Variants in MYBL1 observed in about 807,000 individuals in gnomAD.
The protein encoded by MYBL1 is myb-related protein A.
A neutral mutation model predicts 96.3 loss-of-function variants in MYBL1; 17 were observed. The observed-to-expected ratio is 0.18, with a 90% CI of 0.12 to 0.26. The LOEUF (loss-of-function observed/expected upper bound fraction) is 0.26. MYBL1 is among the 10% of genes least tolerant of loss of function. The pLI is 1.00. For synonymous variants in MYBL1, 282 were observed against 292.7 expected, an observed-to-expected ratio of 0.96 and a Z score of 0.37; for missense variants, 701 against 882.9, an observed-to-expected ratio of 0.79 and a Z score of 2.61.
At position 66,576,069 on chromosome 8, in the gene MYBL1, C is replaced by T. The variant is rs757999984; in HGVS notation, c.1408G>A (p.Asp470Asn). The change falls in exon 10 of 16, where the codon GAT (aspartate) becomes AAT (asparagine). Residue 470 changes from aspartate to asparagine, a missense_variant. Physicochemically the swap from Asp to Asn is conservative, Grantham distance 23. Transcript: ENST00000522677. ...GSELRDGSLN[D>N]GGNMALKHTP... ...TGTTTTAGCGCCATATTACCACCAT[C>T]GTTCAATGAGCCATCCCTAAGTTCG... 5.0e-6 allele frequency: 8 copies of T among 1,613,938 alleles called. No homozygotes were observed. The highest frequency in any genetic ancestry group is 4.4e-5 in the South Asian group (4 of 91,074).
chr8:66,590,048 T>C (rs977637249), intron 8 of MYBL1, among the ~76,000 whole-genome samples: 5 of 152,230 alleles, frequency 3.3e-5, no homozygotes, highest in Admixed American at 2.6e-4. Context: ...CACTCCAGCC[T>C]AGGCAACAGA....
rs1563534839 is a variant in MYBL1 at position 66,580,207 on chromosome 8, C to CTTTGT, written c.1026_1027insACAAA (p.Val343ThrfsTer22). On this transcript the variant is annotated frameshift_variant, in exon 9 of 16. Coordinates refer to ENST00000522677, the MANE Select transcript of MYBL1 (RefSeq NM_001080416.4). LOFTEE classifies it high-confidence loss of function. Reference sequence around the variant, plus strand: ...GAGGATAACACAGCGTTTGCCTCCACGGCCAGGAACTTTGTGGGTGAATTC... The same window carrying CTTTGT: ...GAGGATAACACAGCGTTTGCCTCCACTTTGTGGCCAGGAACTTTGTGGGTGAATTC... 4.3e-6 allele frequency: 7 copies of CTTTGT among 1,613,832 alleles called. No homozygotes were observed. Among genetic ancestry groups the CTTTGT allele is most frequent in the Non-Finnish European group, 5.9e-6 (7 of 1,179,870 alleles).
At chr8:66,586,780 G>C (rs954997387) in intron 8 of MYBL1, among the ~76,000 whole-genome samples, 1 of 152,088 alleles carries the variant, frequency 6.6e-6, no homozygotes, top group Non-Finnish European at 1.5e-5. Flanking sequence ...GATGAATAAA[G>C]CAAGAAAATG....
At position 66,576,120 on chromosome 8, in the gene MYBL1, T is replaced by C. The variant is rs1314370518; in HGVS notation, c.1357A>G (p.Met453Val). The C allele has an allele frequency of 3.1e-6, 5 of 1,613,968 alleles. No homozygotes were observed. Among genetic ancestry groups the C allele is most frequent in the Non-Finnish European group, 4.2e-6 (5 of 1,179,874 alleles). The change falls in exon 10 of 16, where the codon ATG becomes GTG. Residue 453 changes from methionine (M) to valine (V), a missense_variant. Physicochemically the swap from Met to Val is conservative, Grantham distance 21. Around this residue, in one of 5 missense-constraint regions of MYBL1, gnomAD observed 396 missense variants for 407.4 expected, o/e 0.97. Transcript: ENST00000522677. Reference sequence around the variant, plus strand: ...CTGCCTGGGGAATGACCCACTCGCATTTTTCTCTTCTTTCTGAGGATGGCT... The same window carrying C: ...CTGCCTGGGGAATGACCCACTCGCACTTTTCTCTTCTTTCTGAGGATGGCT... ...PPAILRKKRK[M>V]RVGHSPGSEL...
At chr8:66,606,066 C>T (rs1019450924) in intron 1 of MYBL1, among the ~76,000 whole-genome samples, 2 of 152,112 alleles carry the variant, frequency 1.3e-5, no homozygotes, top group Admixed American at 6.5e-5. Context: ...TATACTACGA[C>T]ATACTGGAAA....
intron 12 of MYBL1, among the ~76,000 whole-genome samples, chr8:66,568,453 A>G (rs1010269484): frequency 1.3e-5 from 2 of 151,624 alleles, no homozygotes; most frequent in African/African-American, 2.4e-5. Context: ...AACCTGCCAC[A>G]ACGCCTGGCT....
chr8:66,595,923 T>A (rs546367137), intron 5 of MYBL1, among the ~76,000 whole-genome samples, 166 bp from the exon 6 acceptor site: 66 of 152,292 alleles, frequency 4.3e-4, no homozygotes, highest in Non-Finnish European at 5.9e-4. Context: ...AGGTATTTTT[T>A]AAAAATTCAA....
chr8:66,570,513 C>A (rs190008792), intron 12 of MYBL1, among the ~76,000 whole-genome samples: 2 of 152,182 alleles, frequency 1.3e-5, no homozygotes, highest in African/African-American at 4.8e-5. Flanking sequence ...TGACTCACTG[C>A]AGAATTTTTA....
intron 8 of MYBL1, among the ~76,000 whole-genome samples, chr8:66,584,266 T>C (rs972772265): frequency 6.6e-6 from 1 of 152,142 alleles, no homozygotes; most frequent in African/African-American, 2.4e-5. Context: ...GCCAACATCA[T>C]ACTGAACAAG....
chr8:66,568,107 T>C (rs1586549274), intron 12 of MYBL1, among the ~76,000 whole-genome samples: 1 of 151,000 alleles, frequency 6.6e-6, no homozygotes, highest in Non-Finnish European at 1.5e-5. Context: ...GCAGCTTATG[T>C]CCCCAGCCAG....
intron 1 of MYBL1, among the ~76,000 whole-genome samples, chr8:66,607,871 G>A (rs1810384209): frequency 6.6e-6 from 1 of 152,054 alleles, no homozygotes; most frequent in African/African-American, 2.4e-5. Context: ...ACCCCAAATA[G>A]CCCTCAGGCA....
At chr8:66,579,656 T>TA (rs543286673) in intron 9 of MYBL1, among the ~76,000 whole-genome samples, 15,088 of 139,318 alleles carry the variant, frequency 0.11, 1,706 homozygotes, top group African/African-American at 0.29. Context: ...GATGCCATCT[T>TA]AAAAAAAAAA....
At chr8:66,589,568 C>A (rs148546644) in intron 8 of MYBL1, among the ~76,000 whole-genome samples, 1 of 152,194 alleles carries the variant, frequency 6.6e-6, no homozygotes, top group Non-Finnish European at 1.5e-5. Flanking sequence ...GCAGCCTCGA[C>A]CTCCCAGGCT....
At chr8:66,575,842 G>A (rs753587856) in intron 10 of MYBL1, among the ~76,000 whole-genome samples, 165 bp downstream of exon 10, 3 of 152,090 alleles carry the variant, frequency 2.0e-5, no homozygotes, top group Non-Finnish European at 4.4e-5. Flanking sequence ...ACTACATTTT[G>A]TGAGATACTT....
In MYBL1 at chr8:66,602,442, G is replaced by A; in HGVS notation, c.102C>T (p.Asn34=). ...PQQKGLKKLW[N]RVKWTRDEDD... ...CCTCGTCCCTTGTCCATTTTACTCTGTTCCAGAGTTTCTTCAGTCCTTTTT... is the reference window on the plus strand; with the variant it reads ...CCTCGTCCCTTGTCCATTTTACTCTATTCCAGAGTTTCTTCAGTCCTTTTT... The change falls in exon 2 of 16, where the codon AAC becomes AAT. Residue 34 remains asparagine, a synonymous_variant. Transcript: ENST00000522677. The A allele has an allele frequency of 6.2e-7, 1 of 1,602,810 alleles. No homozygotes were observed. The highest frequency in any genetic ancestry group is 8.5e-7 in the Non-Finnish European group (1 of 1,173,476).
chr8:66,609,863 G>T (rs1563556446), intron 1 of MYBL1, among the ~76,000 whole-genome samples: 1 of 151,896 alleles, frequency 6.6e-6, no homozygotes, highest in Non-Finnish European at 1.5e-5. Flanking sequence ...AAACAATATT[G>T]CCAGTTAATG....
At chr8:66,602,981 G>T (rs1810165504) in intron 1 of MYBL1, among the ~76,000 whole-genome samples, 1 of 151,614 alleles carries the variant, frequency 6.6e-6, no homozygotes, top group Non-Finnish European at 1.5e-5. Context: ...TCCTGACCTT[G>T]TGATCTGCCC....
At chr8:66,600,509 T>C (rs192056260) in intron 3 of MYBL1, among the ~76,000 whole-genome samples, 345 of 152,332 alleles carry the variant, frequency 2.3e-3, no homozygotes, top group Non-Finnish European at 3.2e-3. Flanking sequence ...CTAGCTTCCA[T>C]TTATTGAACA....
intron 8 of MYBL1, among the ~76,000 whole-genome samples, chr8:66,592,166 TGAG>T (rs1370047195): frequency 6.6e-6 from 1 of 151,936 alleles, no homozygotes; most frequent in Non-Finnish European, 1.5e-5. Context: ...CTTGAGAGGC[TGAG>T]GTGGGGCATC....
Sources: allele counts gnomAD v4.1 joint callset (sites outside exome capture counted in the v4.1 genomes callset), GRCh38; gene constraint gnomAD v4.1.1; regional missense constraint gnomAD v4.1.1; transcripts MANE v1.5; gene names NCBI Gene and HGNC (gene_info 2026-07-23, HGNC 2026-07-21).